The following THSD7B variants were observed in gnomAD, a reference collection of about 807,000 sequenced individuals.
The protein encoded by THSD7B is thrombospondin type 1 domain containing 7B.
In THSD7B, 138 loss-of-function variants were observed where a neutral mutation model predicts 213.6. That is an observed-to-expected ratio of 0.65 (90% CI 0.56 to 0.74). The LOEUF is 0.74. Ranked by LOEUF, THSD7B falls within the 30% of genes least tolerant of loss-of-function variation. The probability of loss-of-function intolerance (pLI) is 0.00; values close to 1 mark genes in which losing one functional copy is unlikely to be tolerated. For synonymous variants in THSD7B, 742 were observed against 687.0 expected, an observed-to-expected ratio of 1.08 and a Z score of -1.25; for missense variants, 1,931 against 1,991.5, an observed-to-expected ratio of 0.97 and a Z score of 0.58.
intron 12 of THSD7B, among the ~76,000 whole-genome samples, chr2:137,372,548 G>A (rs993719621): frequency 2.2e-4 from 34 of 151,742 alleles, no homozygotes; most frequent in African/African-American, 7.3e-4. Context: ...AGAATGTCAG[G>A]ACATTTCAAA....
At chr2:137,031,442 C>T (rs935674538) in intron 2 of THSD7B, among the ~76,000 whole-genome samples, 1 of 151,962 alleles carries the variant, frequency 6.6e-6, no homozygotes, top group African/African-American at 2.4e-5. Flanking sequence ...TTTGCTAGAG[C>T]CCATAGATTT....
chr2:137,025,047 G>C (rs1476853324), intron 2 of THSD7B, among the ~76,000 whole-genome samples: 1 of 152,114 alleles, frequency 6.6e-6, no homozygotes, highest in Non-Finnish European at 1.5e-5. Context: ...CAGCCACAAG[G>C]ATGAAGTAGC....
chr2:137,225,976 G>A (rs192657487), intron 7 of THSD7B, among the ~76,000 whole-genome samples: 2 of 151,666 alleles, frequency 1.3e-5, no homozygotes, highest in Non-Finnish European at 2.9e-5. Context: ...TCCAGAAGTG[G>A]CCAGGTGCTA....
intron 17 of THSD7B, among the ~76,000 whole-genome samples, chr2:137,577,612 A>G (rs1001309362): frequency 1.3e-5 from 2 of 152,106 alleles, no homozygotes; most frequent in African/African-American, 2.4e-5. Flanking sequence ...ACAATTATCT[A>G]CATATGACAA....
At chr2:137,649,217 G>A (rs1683093852) in intron 21 of THSD7B, among the ~76,000 whole-genome samples, 1 of 152,070 alleles carries the variant, frequency 6.6e-6, no homozygotes, top group African/African-American at 2.4e-5. Context: ...CTCCCATTCT[G>A]TTGGTTGTCT....
intron 12 of THSD7B, among the ~76,000 whole-genome samples, chr2:137,292,354 A>T (rs771271992): frequency 3.9e-5 from 6 of 152,130 alleles, no homozygotes; most frequent in Admixed American, 6.5e-5. Context: ...AGAATTTACA[A>T]TTGGCTGGTG....
chr2:136,831,623 A>T (rs1246445360), intron 1 of THSD7B, among the ~76,000 whole-genome samples: 1 of 152,244 alleles, frequency 6.6e-6, no homozygotes, highest in Non-Finnish European at 1.5e-5. Flanking sequence ...TTGCCTAGTG[A>T]CATAGACTTG....
chr2:137,045,192 T>G (rs1374902919), intron 2 of THSD7B, among the ~76,000 whole-genome samples: 1 of 152,160 alleles, frequency 6.6e-6, no homozygotes. Flanking sequence ...GTTTTTTTTT[T>G]CTCCTTATTA....
At chr2:136,917,113 T>C (rs1684362701) in intron 2 of THSD7B, among the ~76,000 whole-genome samples, 1 of 152,166 alleles carries the variant, frequency 6.6e-6, no homozygotes, top group Admixed American at 6.5e-5. Flanking sequence ...CAGAAACATT[T>C]TTGACTATGA....
chr2:137,341,779 G>A (rs993135689), intron 12 of THSD7B, among the ~76,000 whole-genome samples: 2 of 151,522 alleles, frequency 1.3e-5, no homozygotes, highest in African/African-American at 2.4e-5. Context: ...TTGACCATAC[G>A]TATATGGGTT....
chr2:136,912,211 A>G (rs1341314337), intron 2 of THSD7B, among the ~76,000 whole-genome samples: 3 of 151,444 alleles, frequency 2.0e-5, no homozygotes, highest in East Asian at 2.0e-4. Flanking sequence ...AATCCCAGCT[A>G]GTCATGAGGC....
At chr2:137,318,376 C>T (rs752020552) in intron 12 of THSD7B, among the ~76,000 whole-genome samples, 8 of 152,138 alleles carry the variant, frequency 5.3e-5, no homozygotes, top group Non-Finnish European at 8.8e-5. Context: ...GACTTAATGT[C>T]TTTATTTGAA....
intron 15 of THSD7B, among the ~76,000 whole-genome samples, chr2:137,485,609 C>T (rs998965831): frequency 5.9e-5 from 9 of 152,244 alleles, no homozygotes; most frequent in Non-Finnish European, 5.9e-5. Context: ...CCCAATCTAG[C>T]AAGGCAGGGC....
intron 17 of THSD7B, among the ~76,000 whole-genome samples, chr2:137,611,826 T>C (rs148225127): frequency 1.3e-5 from 2 of 152,288 alleles, no homozygotes; most frequent in African/African-American, 4.8e-5. Context: ...ATCCCTATTA[T>C]GTTCTTTTAA....
At chr2:136,873,006 G>T (rs1205073820) in intron 1 of THSD7B, among the ~76,000 whole-genome samples, 1 of 96,614 alleles carries the variant, frequency 1.0e-5, no homozygotes, top group Non-Finnish European at 1.8e-5. Context: ...CTGGGTGACA[G>T]AGCAAGACTC....
intron 17 of THSD7B, among the ~76,000 whole-genome samples, chr2:137,609,969 G>T (rs1026443529): frequency 6.6e-6 from 1 of 152,102 alleles, no homozygotes; most frequent in African/African-American, 2.4e-5. Flanking sequence ...AAATAAGGGA[G>T]TCAAAATTGA....
chr2:136,808,270 C>T (rs898787835), intron 1 of THSD7B, among the ~76,000 whole-genome samples: 6 of 152,304 alleles, frequency 3.9e-5, no homozygotes, highest in Middle Eastern at 3.4e-3. Context: ...CAGTCATTTC[C>T]AAAGTTACTT....
At chr2:136,878,471 T>C (rs530317364) in intron 1 of THSD7B, among the ~76,000 whole-genome samples, 40 of 152,322 alleles carry the variant, frequency 2.6e-4, no homozygotes, top group African/African-American at 9.4e-4. Context: ...TTTCTAGTTC[T>C]AGATCCTTGA....
chr2:136,925,293 G>C (rs1367394550), intron 2 of THSD7B, among the ~76,000 whole-genome samples: 2 of 152,278 alleles, frequency 1.3e-5, no homozygotes, highest in African/African-American at 4.8e-5. Flanking sequence ...CATTGAGTAT[G>C]TTATAGGCAT....
Sources: gnomAD v4.1 joint callset for allele counts (sites outside exome capture counted in the v4.1 genomes callset) on GRCh38, gnomAD v4.1.1 for gene constraint, MANE v1.5 for transcripts, NCBI Gene and HGNC (gene_info 2026-07-23, HGNC 2026-07-21) for gene names.